Variants in DHRS7 observed in about 807,000 individuals in gnomAD.
DHRS7 encodes dehydrogenase/reductase SDR family member 7.
DHRS7 carries 34 observed loss-of-function variants against 38.9 expected under a neutral mutation model. That is an observed-to-expected ratio of 0.87 (90% confidence interval 0.66 to 1.16). The LOEUF (loss-of-function observed/expected upper bound fraction) is 1.16. Ranked by LOEUF, DHRS7 falls within the 50% of genes most tolerant of loss-of-function variation. The pLI, the probability that DHRS7 is intolerant of heterozygous loss-of-function variation, is 0.00. For synonymous variants in DHRS7, 158 were observed against 153.1 expected (o/e 1.03, Z -0.24); for missense variants, 421 against 407.0 (o/e 1.03, Z -0.30).
rs1896602629 is a variant in DHRS7 at position 60,153,921 on chromosome 14, T to C, written c.393+38A>G. The C allele has an allele frequency of 6.3e-7, 1 of 1,580,740 alleles. No individual in the cohort carries two copies. The highest frequency in any genetic ancestry group is 8.7e-7 in the Non-Finnish European group (1 of 1,150,212). On this transcript the variant is annotated intron_variant, in intron 3 of 6. Coordinates refer to ENST00000557185, the MANE Select transcript of DHRS7 (RefSeq NM_016029.4). This position sits in a 1 kb window ranked among gnomAD's most constrained non-coding sequence, Gnocchi z 4.4. ...GGATGGGAATCTCTTCTGCAGTTAC[T>C]TCAAAGCAAGACTATATCAATATAA... is the stretch of plus-strand genomic sequence containing the variant.
upstream of DHRS7, among the ~76,000 whole-genome samples, chr14:60,167,651 C>T (rs921097497): frequency 6.6e-6 from 1 of 152,146 alleles, no homozygotes; most frequent in East Asian, 1.9e-4. Context: ...CCTCCAAGAT[C>T]GGCAGTCCCT....
intron 1 of DHRS7, 101 bp from the exon 2 acceptor site, chr14:60,156,253 A>C (rs916119253): frequency 3.0e-5 from 31 of 1,034,158 alleles, no homozygotes; most frequent in Non-Finnish European, 4.1e-5. Flanking sequence ...AATACCACTA[A>C]ATATGAAGGC....
At position 60,156,163 on chromosome 14, in the gene DHRS7, A is replaced by C; in HGVS notation, c.134-11T>G. On this transcript the variant is annotated splice_polypyrimidine_tract_variant and intron_variant, in intron 1 of 6. Coordinates refer to ENST00000557185, the MANE Select transcript of DHRS7 (RefSeq NM_016029.4). ...CAGTCAGCTCCCATTCTATGGAAGG[A>C]ATGTAAATGGAAGGAAGAAAATAAG... The C allele has an allele frequency of 6.5e-7, 1 of 1,547,050 alleles. No individual in the cohort carries two copies. Among genetic ancestry groups the C allele is most frequent in the Non-Finnish European group, 8.7e-7 (1 of 1,150,514 alleles).
rs541908143 is a variant in DHRS7 at position 60,153,823 on chromosome 14, G to GGGGCCCAACTCAT, written c.393+123_393+135dup. 8.4e-4 allele frequency: 531 copies of GGGGCCCAACTCAT among 633,728 alleles called. No homozygotes were observed. The highest frequency in any genetic ancestry group is 1.2e-3 in the Non-Finnish European group (447 of 358,442). 39.3% of individuals were successfully genotyped at this position (633,728 alleles called of 1,614,324 possible). ...ATAATGACAAAGGCTCAGAGATTAA[G>GGGGCCCAACTCAT]GGGCCCAACTCATGGGCCCGATCTC... On this transcript the variant is annotated intron_variant, in intron 3 of 6. Transcript: ENST00000557185. This position sits in a 1 kb window ranked among gnomAD's most constrained non-coding sequence, Gnocchi z 4.4.
At chr14:60,160,207 T>G (rs1566535536) in intron 1 of DHRS7, among the ~76,000 whole-genome samples, 1 of 152,108 alleles carries the variant, frequency 6.6e-6, no homozygotes, top group Non-Finnish European at 1.5e-5. Flanking sequence ...GTGCCTGTAA[T>G]CCCAGCTACT....
rs1896783837 is a variant in DHRS7, at chr14:60,162,535, A to G, written c.133+2642T>C. Among the ~76,000 whole-genome samples the G allele has an allele frequency of 6.6e-6, 1 of 152,166 alleles. No individual in the cohort carries two copies. Among genetic ancestry groups the G allele is most frequent in the Non-Finnish European group, 1.5e-5 (1 of 68,036 alleles). ...CAGAGAAAGCTCTTTACTTTTTACT[A>G]TATATCTTTTTGTATTTTTACTTTT... On this transcript the variant is annotated intron_variant, in intron 1 of 6. Coordinates refer to ENST00000557185, the MANE Select transcript of DHRS7 (RefSeq NM_016029.4). The surrounding 1 kb of genome is among the most constrained non-coding windows in gnomAD (Gnocchi z 4.5).
Position 60,144,956 on chromosome 14 carries a change from G to A in DHRS7, c.*10C>T, listed in dbSNP as rs1044544608. 9.4e-6 allele frequency: 15 copies of A among 1,602,046 alleles called. No homozygotes were observed. In the African/African-American group the frequency reaches 1.9e-4, roughly 20 times the overall value. On this transcript the variant is annotated 3_prime_UTR_variant, in exon 7 of 7. Coordinates refer to ENST00000557185, the MANE Select transcript of DHRS7 (RefSeq NM_016029.4). ...TCCCTCCAGTGGCTTGAAAAGTACA[G>A]GTGCTCTTTTCAGTCATGTTTTGTC...
At position 60,158,188 on chromosome 14, in the gene DHRS7, G is replaced by T. The variant is rs60225956; in HGVS notation, c.134-2036C>A. 6.2e-3 allele frequency among the ~76,000 whole-genome samples: 883 copies of T among 141,498 alleles called. 17 individuals are homozygous for T. The highest frequency in any genetic ancestry group is 0.055 in the East Asian group (265 of 4,796). The allele number at this position is 141,498 out of a possible 152,430, so 92.8% of individuals were successfully genotyped here. A position where few individuals can be genotyped will look rare whatever the true frequency, so the allele number is the denominator to read the frequency against. On this transcript the variant is annotated intron_variant, in intron 1 of 6. Transcript: ENST00000557185. ...GCAGAGGTTGCAGTGAGCCAAGATT[G>T]CTCCACTGCACTCCAGCATGGGTGA...
chr14:60,156,226 A>AAG, intron 1 of DHRS7, 74 bp from the exon 2 acceptor site: 3 of 1,314,728 alleles, frequency 2.3e-6, no homozygotes, highest in South Asian at 2.1e-5. Context: ...TTAGAAAAAA[A>AAG]AAAGAAAGCC....
upstream of DHRS7, chr14:60,169,707 T>G (rs554704527): frequency 6.6e-6 from 1 of 152,398 alleles, no homozygotes; most frequent in East Asian, 1.9e-4. Context: ...CTGTTTCCTC[T>G]GTGGGATGTA....
At position 60,156,134 on chromosome 14, in the gene DHRS7, AT is replaced by A. The variant is rs1422822752; in HGVS notation, c.151del (p.Met51TrpfsTer5). The A allele has an allele frequency of 1.3e-6, 2 of 1,594,674 alleles. No homozygotes were observed. The highest frequency in any genetic ancestry group is 1.7e-6 in the Non-Finnish European group (2 of 1,170,562). ...GRRPEWELTD[M>X]VVWVTGASSG... ...CGAGGCTCCAGTCACCCACACCACC[AT>A]ATCAGTCAGCTCCCATTCTATGGAA... is the stretch of plus-strand genomic sequence containing the variant. On this transcript the variant is annotated frameshift_variant, in exon 2 of 7. Coordinates refer to ENST00000557185, the MANE Select transcript of DHRS7 (RefSeq NM_016029.4). LOFTEE classifies it high-confidence loss of function.
At chr14:60,164,536 A>G (rs1050474442) in intron 1 of DHRS7, among the ~76,000 whole-genome samples, 2 of 152,206 alleles carry the variant, frequency 1.3e-5, no homozygotes, top group Non-Finnish European at 2.9e-5. Context: ...ACATACAGCA[A>G]ATGTACACGA....
upstream of DHRS7, among the ~76,000 whole-genome samples, chr14:60,166,753 GT>G (rs1408874944): frequency 2.0e-5 from 3 of 152,052 alleles, no homozygotes; most frequent in South Asian, 2.1e-4. Flanking sequence ...ATCTGAAATT[GT>G]TTTTTAATTA....
At position 60,152,938 on chromosome 14, in the gene DHRS7, C is replaced by T. The variant is rs1417734494; in HGVS notation, c.633+1G>A. On this transcript the variant is annotated splice_donor_variant, in intron 4 of 6. Coordinates refer to ENST00000557185, the MANE Select transcript of DHRS7 (RefSeq NM_016029.4). LOFTEE classifies it high-confidence loss of function. Reference sequence around the variant, plus strand: ...TCAGAGTTGAGTTTGAGCAGCCTTACCCGGAGAGCATGCTTGCTAGCACAG... The same window carrying T: ...TCAGAGTTGAGTTTGAGCAGCCTTATCCGGAGAGCATGCTTGCTAGCACAG... 1 of 1,614,026 alleles carries T rather than the reference C, an allele frequency of 6.2e-7. No individual in the cohort carries two copies. The highest frequency in any genetic ancestry group is 2.2e-5 in the East Asian group (1 of 44,882).
rs559221999 is a variant in DHRS7, at chr14:60,153,038, G to C, written c.534C>G (p.Ile178Met). Reference protein sequence around the residue: ...SLTKCVLPHMIERKQGKIVTV... With the variant: ...SLTKCVLPHMMERKQGKIVTV... ...TAACAATCTTTCCTTGCTTCCTCTC[G>C]ATCATGTGAGGCAGAACACATTTTG... Residue 178 changes from isoleucine to methionine, a missense_variant, in exon 4 of 7, where the codon ATC becomes ATG. Physicochemically the swap from Ile to Met is conservative, Grantham distance 10. Coordinates refer to ENST00000557185, the MANE Select transcript of DHRS7 (RefSeq NM_016029.4). This position sits in a 1 kb window ranked among gnomAD's most constrained non-coding sequence, Gnocchi z 4.4. 2 of 1,613,980 alleles carry C rather than the reference G, an allele frequency of 1.2e-6. No individual in the cohort carries two copies. The highest frequency in any genetic ancestry group is 1.7e-6 in the Non-Finnish European group (2 of 1,180,008).
At chr14:60,147,843 G>A (rs894679793) in intron 6 of DHRS7, 2 of 152,238 alleles carry the variant, frequency 1.3e-5, no homozygotes, top group African/African-American at 2.4e-5. Context: ...TGCTTCCTCT[G>A]TAGTAAGGTG....
At chr14:60,165,718 A>G (rs1896858836), upstream of DHRS7, 1 of 970,554 alleles carries the variant, frequency 1.0e-6, no homozygotes, top group Non-Finnish European at 1.2e-6. The surrounding 1 kb of genome is among the most constrained non-coding windows in gnomAD (Gnocchi z 4.6). Flanking sequence ...ATCAACGGCC[A>G]GGAGACAGAT....
intron 1 of DHRS7, among the ~76,000 whole-genome samples, chr14:60,157,762 C>T (rs541538399): frequency 4.5e-4 from 69 of 152,112 alleles, no homozygotes; most frequent in Admixed American, 1.2e-3. Context: ...ACTGAATAAA[C>T]ACCCAAGAAC....
Position 60,150,194 on chromosome 14 carries a change from GAC to G in DHRS7, c.634-9_634-8del. ...GAAGGCCATTAAAAAAACCCTAACA[GAC>G]AAAAAAAAAAAAAAAGGAAAAAGGC... On this transcript the variant is annotated splice_polypyrimidine_tract_variant and splice_region_variant and intron_variant, in intron 4 of 6. Transcript: ENST00000557185. 43 of 1,119,682 alleles carry G rather than the reference GAC, an allele frequency of 3.8e-5. No individual in the cohort carries two copies. Among genetic ancestry groups the G allele is most frequent in the South Asian group, 2.8e-4 (9 of 32,486 alleles). The allele number at this position is 1,119,682 out of a possible 1,614,324, so 69.4% of individuals were successfully genotyped here.
Sources: gnomAD v4.1 joint callset for allele counts (sites outside exome capture counted in the v4.1 genomes callset) on GRCh38, gnomAD v4.1.1 for gene constraint, Gnocchi (gnomAD v3.1) non-coding constraint, MANE v1.5 for transcripts, NCBI Gene and HGNC (gene_info 2026-07-23, HGNC 2026-07-21) for gene names.